Variants in LRRC55 observed in about 807,000 individuals in gnomAD.
The protein encoded by LRRC55 is leucine-rich repeat-containing protein 55.
A neutral mutation model predicts 20.5 loss-of-function variants in LRRC55; 11 were observed. That is an observed-to-expected ratio of 0.54 (90% CI 0.34 to 0.89). The LOEUF (loss-of-function observed/expected upper bound fraction) is 0.89, where lower values mean the gene tolerates loss of function less well. LRRC55 is among the 40% of genes least tolerant of loss of function. The probability of loss-of-function intolerance (pLI) is 0.02; values close to 1 mark genes in which losing one functional copy is unlikely to be tolerated. For synonymous variants in LRRC55, 188 were observed against 166.6 expected (o/e 1.13, Z -0.99); for missense variants, 358 against 390.9 (o/e 0.92, Z 0.71).
intron 1 of LRRC55, among the ~76,000 whole-genome samples, chr11:57,185,444 C>G (rs1212815356): frequency 6.6e-6 from 1 of 151,804 alleles, no homozygotes; most frequent in Non-Finnish European, 1.5e-5. Flanking sequence ...CCACACCCAG[C>G]TAATTTTTGT....
Position 57,187,769 on chromosome 11 carries a change from G to A in LRRC55, c.*289G>A. On this transcript the variant is annotated 3_prime_UTR_variant, in exon 2 of 2. Transcript: ENST00000497933. ...TTAAGACTATATGTCAGGACTCTGA[G>A]CACGTCATTATGGAGGCCCAGAGGA... is the stretch of plus-strand genomic sequence containing the variant. 2.0e-6 allele frequency: 1 copy of A among 488,614 alleles called. No individual in the cohort carries two copies. Among genetic ancestry groups the A allele is most frequent in the Non-Finnish European group, 3.6e-6 (1 of 274,994 alleles). 30.3% of individuals were successfully genotyped at this position (488,614 alleles called of 1,614,324 possible). A position where few individuals can be genotyped will look rare whatever the true frequency, so the allele number is the denominator to read the frequency against.
At chr11:57,182,826 T>C (rs891755010) in intron 1 of LRRC55, 143 bp downstream of exon 1, 3 of 820,118 alleles carry the variant, frequency 3.7e-6, no homozygotes, top group African/African-American at 3.5e-5. Context: ...GTACACCAGC[T>C]CGGCCAACAG....
At position 57,189,270 on chromosome 11, in the gene LRRC55, T is replaced by C. The variant is rs1854476963; in HGVS notation, c.*1790T>C. ...GGGGCTCAACCCTAACACAGTTCTC[T>C]TTCCAGTGCTTTCTCAAGTGCTTGG... On this transcript the variant is annotated 3_prime_UTR_variant, in exon 2 of 2. Transcript: ENST00000497933. 6.6e-6 allele frequency: 1 copy of C among 152,234 alleles called. No individual in the cohort carries two copies. Among genetic ancestry groups the C allele is most frequent in the Non-Finnish European group, 1.5e-5 (1 of 68,050 alleles). 9.4% of individuals were successfully genotyped at this position (152,234 alleles called of 1,614,324 possible).
chr11:57,187,692 C>T lies in LRRC55; in HGVS notation c.*212C>T, dbSNP rs1854452375. The T allele has an allele frequency of 1.6e-6, 1 of 616,404 alleles. No homozygotes were observed. The highest frequency in any genetic ancestry group is 2.9e-6 in the Non-Finnish European group (1 of 348,622). The allele number at this position is 616,404 out of a possible 1,614,324, so 38.2% of individuals were successfully genotyped here. ...ATCAGATGAACTGACTCAGTCCCTG[C>T]CCTCAAGGCACTTCCCTCTGGTCAA... On this transcript the variant is annotated 3_prime_UTR_variant, in exon 2 of 2. Coordinates refer to ENST00000497933, the MANE Select transcript of LRRC55 (RefSeq NM_001005210.4).
In LRRC55 at chr11:57,187,572, A is replaced by T; in HGVS notation, c.*92A>T. 1 of 1,242,758 alleles carries T rather than the reference A, an allele frequency of 8.0e-7. No homozygotes were observed. The highest frequency in any genetic ancestry group is 1.1e-6 in the Non-Finnish European group (1 of 877,364). The allele number at this position is 1,242,758 out of a possible 1,614,324, so 77.0% of individuals were successfully genotyped here. On this transcript the variant is annotated 3_prime_UTR_variant, in exon 2 of 2. Coordinates refer to ENST00000497933, the MANE Select transcript of LRRC55 (RefSeq NM_001005210.4). ...GACTGCTCACTCTGGTTCCATGGTG[A>T]CCTGGCTGCCTCAGTCATGGTTCAA...
rs937698163 is a variant in LRRC55, at chr11:57,190,441, A to T, written c.*2961A>T. ...AATTCCCTGCTTCTCCCCCACCGCC[A>T]TCATCTTGTCCAAGCTATCAGAAGC... is the stretch of plus-strand genomic sequence containing the variant. On this transcript the variant is annotated 3_prime_UTR_variant, in exon 2 of 2. Transcript: ENST00000497933. 6.6e-6 allele frequency: 1 copy of T among 152,224 alleles called. No individual in the cohort carries two copies. 9.4% of individuals were successfully genotyped at this position (152,224 alleles called of 1,614,324 possible).
Position 57,190,864 on chromosome 11 carries a change from G to T in LRRC55, c.*3384G>T, listed in dbSNP as rs1157225661. The T allele has an allele frequency of 6.6e-6, 1 of 152,194 alleles. No homozygotes were observed. The highest frequency in any genetic ancestry group is 1.9e-4 in the East Asian group (1 of 5,192). 9.4% of individuals were successfully genotyped at this position (152,194 alleles called of 1,614,324 possible). On this transcript the variant is annotated 3_prime_UTR_variant, in exon 2 of 2. Coordinates refer to ENST00000497933, the MANE Select transcript of LRRC55 (RefSeq NM_001005210.4). ...TTAAGATGGAATCCCACCAGGTTTA[G>T]GGTAGGACTGGATGCTCAAAAAATA... is the stretch of plus-strand genomic sequence containing the variant.
chr11:57,187,539 C>T lies in LRRC55; in HGVS notation c.*59C>T. On this transcript the variant is annotated 3_prime_UTR_variant, in exon 2 of 2. Transcript: ENST00000497933. The stretch of plus-strand genomic sequence containing the variant: ...CGCCACAGCTGCTGGCCACCAGACG[C>T]CCTCCCTGACTGCTCACTCTGGTTC... 6.8e-7 allele frequency: 1 copy of T among 1,464,570 alleles called. No homozygotes were observed. The allele number at this position is 1,464,570 out of a possible 1,614,324, so 90.7% of individuals were successfully genotyped here.
At position 57,188,561 on chromosome 11, in the gene LRRC55, A is replaced by G. The variant is rs1305585103; in HGVS notation, c.*1081A>G. Reference sequence around the variant, plus strand: ...AGGTACTTTGAAAAGCTCTCTGCACAAACCATTCCCTTTGACACACACACA... The same window carrying G: ...AGGTACTTTGAAAAGCTCTCTGCACGAACCATTCCCTTTGACACACACACA... On this transcript the variant is annotated 3_prime_UTR_variant, in exon 2 of 2. Coordinates refer to ENST00000497933, the MANE Select transcript of LRRC55 (RefSeq NM_001005210.4). 6.6e-6 allele frequency: 1 copy of G among 152,272 alleles called. No individual in the cohort carries two copies. The highest frequency in any genetic ancestry group is 1.9e-4 in the East Asian group (1 of 5,204). 9.4% of individuals were successfully genotyped at this position (152,272 alleles called of 1,614,324 possible). A position where few individuals can be genotyped will look rare whatever the true frequency, so the allele number is the denominator to read the frequency against.
rs923177906 is a variant in LRRC55 at position 57,188,126 on chromosome 11, G to A, written c.*646G>A. 8.5e-5 allele frequency: 13 copies of A among 153,252 alleles called. No individual in the cohort carries two copies. Among genetic ancestry groups the A allele is most frequent in the Non-Finnish European group, 1.2e-4 (8 of 68,594 alleles). 9.5% of individuals were successfully genotyped at this position (153,252 alleles called of 1,614,324 possible). A position where few individuals can be genotyped will look rare whatever the true frequency, so the allele number is the denominator to read the frequency against. The stretch of plus-strand genomic sequence containing the variant: ...GGCCTCCTTCCACCAGCAGCTACCA[G>A]GTGAGACCACCTCCCAGTGACTGCC... On this transcript the variant is annotated 3_prime_UTR_variant, in exon 2 of 2. Transcript: ENST00000497933.
rs1233108650 is a variant in LRRC55 at position 57,188,152 on chromosome 11, C to T, written c.*672C>T. 1 of 153,032 alleles carries T rather than the reference C, an allele frequency of 6.5e-6. No individual in the cohort carries two copies. The highest frequency in any genetic ancestry group is 1.5e-5 in the Non-Finnish European group (1 of 68,374). 9.5% of individuals were successfully genotyped at this position (153,032 alleles called of 1,614,324 possible). A position where few individuals can be genotyped will look rare whatever the true frequency, so the allele number is the denominator to read the frequency against. On this transcript the variant is annotated 3_prime_UTR_variant, in exon 2 of 2. Transcript: ENST00000497933. ...GTGAGACCACCTCCCAGTGACTGCC[C>T]CCATATGACCAAATGTCACCAGTTG...
chr11:57,186,700 T>G (rs930134151), intron 1 of LRRC55, among the ~76,000 whole-genome samples: 3 of 152,062 alleles, frequency 2.0e-5, no homozygotes, highest in Admixed American at 6.5e-5. Context: ...TGTGTGTGGC[T>G]AGAGCAGGGT....
rs999361176 is a variant in LRRC55, at chr11:57,191,483, A to C, written c.*4003A>C. Reference sequence around the variant, plus strand: ...GGCGTCACAAGGTCTTTTGTAAATCACTATTGTGTTTGTCACAGCACTGGG... The same window carrying C: ...GGCGTCACAAGGTCTTTTGTAAATCCCTATTGTGTTTGTCACAGCACTGGG... On this transcript the variant is annotated 3_prime_UTR_variant, in exon 2 of 2. Transcript: ENST00000497933. 6.9e-6 allele frequency: 1 copy of C among 145,762 alleles called. No homozygotes were observed. Among genetic ancestry groups the C allele is most frequent in the Non-Finnish European group, 1.5e-5 (1 of 66,962 alleles). 9.0% of individuals were successfully genotyped at this position (145,762 alleles called of 1,614,324 possible).
chr11:57,183,644 C>T (rs368179001), intron 1 of LRRC55, among the ~76,000 whole-genome samples: 1 of 152,188 alleles, frequency 6.6e-6, no homozygotes, highest in Non-Finnish European at 1.5e-5. Context: ...CCTCATGCAG[C>T]TCCAAGACCT....
chr11:57,184,467 C>T (rs543114979), intron 1 of LRRC55, among the ~76,000 whole-genome samples: 144 of 152,286 alleles, frequency 9.5e-4, no homozygotes, highest in African/African-American at 3.3e-3. Flanking sequence ...TCCACAGGCC[C>T]ATGATGAGGA....
intron 1 of LRRC55, 32 bp downstream of exon 1, chr11:57,182,715 G>A (rs1854379100): frequency 1.4e-6 from 2 of 1,439,080 alleles, no homozygotes; most frequent in East Asian, 2.4e-5. Context: ...GCAGTCAACA[G>A]GGAGGGCTTG....
At position 57,187,591 on chromosome 11, in the gene LRRC55, G is replaced by A; in HGVS notation, c.*111G>A. On this transcript the variant is annotated 3_prime_UTR_variant, in exon 2 of 2. Coordinates refer to ENST00000497933, the MANE Select transcript of LRRC55 (RefSeq NM_001005210.4). ...ATGGTGACCTGGCTGCCTCAGTCAT[G>A]GTTCAAGCAAGGTGGGGACACTCAT... is the stretch of plus-strand genomic sequence containing the variant. The A allele has an allele frequency of 9.5e-7, 1 of 1,051,096 alleles. No individual in the cohort carries two copies. The highest frequency in any genetic ancestry group is 1.4e-6 in the Non-Finnish European group (1 of 708,688). The allele number at this position is 1,051,096 out of a possible 1,614,324, so 65.1% of individuals were successfully genotyped here.
At position 57,182,457 on chromosome 11, in the gene LRRC55, C is replaced by T. The variant is rs1012047929; in HGVS notation, c.435C>T (p.Ser145=). The change falls in exon 1 of 2, where the codon AGC becomes AGT. Residue 145 remains serine (S), a synonymous_variant. Coordinates refer to ENST00000497933, the MANE Select transcript of LRRC55 (RefSeq NM_001005210.4). ...EAHGLVHIDL[S]HNPWLRRVHP... ...ATGGGCTAGTCCACATCGACCTGAG[C>T]CACAACCCCTGGCTGCGGAGGGTGC... 1.2e-6 allele frequency: 2 copies of T among 1,611,502 alleles called. No individual in the cohort carries two copies. Among genetic ancestry groups the T allele is most frequent in the Admixed American group, 3.3e-5 (2 of 60,020 alleles).
chr11:57,186,648 C>T (rs1035329359), intron 1 of LRRC55, among the ~76,000 whole-genome samples: 1 of 152,172 alleles, frequency 6.6e-6, no homozygotes, highest in African/African-American at 2.4e-5. Context: ...TTCCCCGCTT[C>T]AAGAGGGGAC....
Sources: allele counts gnomAD v4.1 joint callset (sites outside exome capture counted in the v4.1 genomes callset), GRCh38; gene constraint gnomAD v4.1.1; transcripts MANE v1.5; gene names NCBI Gene and HGNC (gene_info 2026-07-23, HGNC 2026-07-21).